PPARGC1B: variants seen among roughly 807,000 people sequenced by gnomAD.
PPARGC1B encodes the protein peroxisome proliferator-activated receptor gamma coactivator 1-beta.
In PPARGC1B, 34 loss-of-function variants were observed where a neutral mutation model predicts 101.6. The observed-to-expected ratio is 0.33, with a 90% confidence interval of 0.25 to 0.45. The LOEUF is 0.45. Ranked by LOEUF, PPARGC1B falls within the 20% of genes least tolerant of loss-of-function variation. The probability of loss-of-function intolerance (pLI) is 1.00; values close to 1 mark genes in which losing one functional copy is unlikely to be tolerated. For missense variants in PPARGC1B, 1,234 were observed against 1,317.6 expected (o/e 0.94, Z 0.98); for synonymous variants, 548 against 539.3 (o/e 1.02, Z -0.22).
intron 1 of PPARGC1B, among the ~76,000 whole-genome samples, chr5:149,776,347 CAA>C (rs1243832256): frequency 2.0e-5 from 3 of 152,170 alleles, no homozygotes; most frequent in Non-Finnish European, 4.4e-5. Flanking sequence ...CAGCGTTTCC[CAA>C]AAGAGGTTCC....
chr5:149,777,767 T>G (rs1318639657), intron 1 of PPARGC1B, among the ~76,000 whole-genome samples: 2 of 142,682 alleles, frequency 1.4e-5, no homozygotes, highest in African/African-American at 5.4e-5. Context: ...AAGTAGAGAT[T>G]TAAAAACTGT....
intron 1 of PPARGC1B, among the ~76,000 whole-genome samples, chr5:149,755,952 CATT>C (rs1755505635): frequency 6.6e-6 from 1 of 152,148 alleles, no homozygotes; most frequent in African/African-American, 2.4e-5. Flanking sequence ...CCTATGGTGT[CATT>C]GTTGCTGCTT....
chr5:149,800,426 T>A (rs899875140), intron 1 of PPARGC1B, among the ~76,000 whole-genome samples: 9 of 151,988 alleles, frequency 5.9e-5, no homozygotes, highest in Non-Finnish European at 1.2e-4. Flanking sequence ...TTGATAGGAG[T>A]GAGGCAGGCA....
chr5:149,856,988 T>G (rs541449711), downstream of PPARGC1B, among the ~76,000 whole-genome samples: 1 of 152,170 alleles, frequency 6.6e-6, no homozygotes, highest in African/African-American at 2.4e-5. Flanking sequence ...GCCAGACTGG[T>G]CTCAAACTCC....
chr5:149,751,796 T>C (rs955147910), intron 1 of PPARGC1B, among the ~76,000 whole-genome samples: 1 of 152,066 alleles, frequency 6.6e-6, no homozygotes, highest in African/African-American at 2.4e-5. Context: ...GGTAACATTG[T>C]AGGTTTCACT....
intron 2 of PPARGC1B, among the ~76,000 whole-genome samples, chr5:149,824,172 A>G (rs1464303042): frequency 3.3e-5 from 5 of 152,088 alleles, no homozygotes; most frequent in African/African-American, 1.2e-4. Context: ...TCTTCACTAC[A>G]TGGTTCCTGA....
At chr5:149,753,381 T>C (rs1755387855) in intron 1 of PPARGC1B, among the ~76,000 whole-genome samples, 1 of 151,860 alleles carries the variant, frequency 6.6e-6, no homozygotes, top group Admixed American at 6.6e-5. Flanking sequence ...TAATTTTTTA[T>C]ATTTTTGGTA....
Position 149,809,143 on chromosome 5 carries a change from ATAGATAGATAGATAGATAGAT to A in PPARGC1B, c.79-11289_79-11269del. The stretch of plus-strand genomic sequence containing the variant: ...GATAGATAGATAGATAGATAGATAG[ATAGATAGATAGATAGATAGAT>A]CCATCTCTACCATAGATAGATAGAT... On this transcript the variant is annotated intron_variant, in intron 1 of 11. Transcript: ENST00000309241. 2.3e-5 allele frequency among the ~76,000 whole-genome samples: 3 copies of A among 132,326 alleles called. 1 individual carries two copies. The highest frequency in any genetic ancestry group is 2.9e-5 in the African/African-American group (1 of 34,396). The allele number at this position is 132,326 out of a possible 152,430, so 86.8% of individuals were successfully genotyped here.
chr5:149,746,497 T>C (rs1755099900), intron 1 of PPARGC1B, among the ~76,000 whole-genome samples: 2 of 152,238 alleles, frequency 1.3e-5, no homozygotes, highest in Admixed American at 1.3e-4. Flanking sequence ...ATCCATTCAT[T>C]TGTTAGTGAA....
rs1759673959 is a variant in PPARGC1B at position 149,848,915 on chromosome 5, G to A, written c.*1357G>A. On this transcript the variant is annotated 3_prime_UTR_variant, in exon 12 of 12. Coordinates refer to ENST00000309241, the MANE Select transcript of PPARGC1B (RefSeq NM_133263.4). ...ACAATCTCCTAGCTCTCCTCCAATT[G>A]AGAAAACACTCCAATTGGGCTTTGC... The A allele has an allele frequency of 6.6e-6, 1 of 152,184 alleles. No homozygotes were observed. The highest frequency in any genetic ancestry group is 2.4e-5 in the African/African-American group (1 of 41,446). 9.4% of individuals were successfully genotyped at this position (152,184 alleles called of 1,614,324 possible).
Position 149,730,550 on chromosome 5 carries a change from C to A in PPARGC1B, c.78+130C>A. 1 of 655,088 alleles carries A rather than the reference C, an allele frequency of 1.5e-6. No individual in the cohort carries two copies. Among genetic ancestry groups the A allele is most frequent in the Admixed American group, 4.1e-5 (1 of 24,416 alleles). 40.6% of individuals were successfully genotyped at this position (655,088 alleles called of 1,614,324 possible). A position where few individuals can be genotyped will look rare whatever the true frequency, so the allele number is the denominator to read the frequency against. On this transcript the variant is annotated intron_variant, in intron 1 of 11. Coordinates refer to ENST00000309241, the MANE Select transcript of PPARGC1B (RefSeq NM_133263.4). The surrounding 1 kb of genome is among the most constrained non-coding windows in gnomAD (Gnocchi z 4.0). The stretch of plus-strand genomic sequence containing the variant: ...ACTGGGGGTTCCAGGCTGCAGAGCC[C>A]CCCTTCCAGGCGCCCTGCGATGCGC...
intron 1 of PPARGC1B, among the ~76,000 whole-genome samples, chr5:149,788,548 A>T (rs1027643308): frequency 6.6e-6 from 1 of 152,186 alleles, no homozygotes; most frequent in Non-Finnish European, 1.5e-5. Context: ...ACTAGAAATA[A>T]CATTTGACCC....
At position 149,823,999 on chromosome 5, in the gene PPARGC1B, C is replaced by G. The variant is rs79020132; in HGVS notation, c.253-2674C>G. On this transcript the variant is annotated intron_variant, in intron 2 of 11. Transcript: ENST00000309241. ...GCTTTATTCCTCCCCTGCCACCACGCCCCCCAAAAATAATGGCAGATAGAT... is the reference window on the plus strand; with the variant it reads ...GCTTTATTCCTCCCCTGCCACCACGGCCCCCAAAAATAATGGCAGATAGAT... Among the ~76,000 whole-genome samples the G allele has an allele frequency of 9.2e-5, 14 of 152,166 alleles. No homozygotes were observed. The East Asian group carries it at 2.5e-3, about 27-fold the overall frequency.
In PPARGC1B at chr5:149,778,314, C is replaced by T. The variant is rs192894494; in HGVS notation, c.79-42119C>T. 3.6e-3 allele frequency among the ~76,000 whole-genome samples: 542 copies of T among 152,072 alleles called. 5 individuals carry two copies. Among genetic ancestry groups the T allele is most frequent in the African/African-American group, 0.012 (502 of 41,494 alleles). On this transcript the variant is annotated intron_variant, in intron 1 of 11. Coordinates refer to ENST00000309241, the MANE Select transcript of PPARGC1B (RefSeq NM_133263.4). ...TGGCAAGGCTTTAGTCTGTCTGTCT[C>T]TTACCCGCCAGTCTGCAACTCCGTG... is the stretch of plus-strand genomic sequence containing the variant.
rs562548277 is a variant in PPARGC1B at position 149,842,246 on chromosome 5, T to C, written c.2695-10T>C. ...TGACGGAGTCTCTCTCTGTCCTCCT[T>C]CTTGGGCAGGGGGAAGGCCGCGTGG... On this transcript the variant is annotated splice_polypyrimidine_tract_variant and intron_variant, in intron 9 of 11. Coordinates refer to ENST00000309241, the MANE Select transcript of PPARGC1B (RefSeq NM_133263.4). The C allele has an allele frequency of 1.6e-4, 250 of 1,612,210 alleles. No individual in the cohort carries two copies. The South Asian group carries it at 2.4e-3, about 15-fold the overall frequency.
At chr5:149,821,646 G>A (rs1282765299) in intron 2 of PPARGC1B, among the ~76,000 whole-genome samples, 2 of 152,168 alleles carry the variant, frequency 1.3e-5, no homozygotes, top group Non-Finnish European at 2.9e-5. Context: ...AAGGTGGTGT[G>A]CCGCAAGCGT....
In PPARGC1B at chr5:149,847,663, T is replaced by G; in HGVS notation, c.*105T>G. Reference sequence around the variant, plus strand: ...AGTATATGAGGAGAGCGAGCGAGCGTGAGAGAACACCCGTGAGAGAGACTT... The same window carrying G: ...AGTATATGAGGAGAGCGAGCGAGCGGGAGAGAACACCCGTGAGAGAGACTT... On this transcript the variant is annotated 3_prime_UTR_variant, in exon 12 of 12. Coordinates refer to ENST00000309241, the MANE Select transcript of PPARGC1B (RefSeq NM_133263.4). 1.2e-6 allele frequency: 1 copy of G among 812,484 alleles called. No homozygotes were observed. Among genetic ancestry groups the G allele is most frequent in the Non-Finnish European group, 2.0e-6 (1 of 492,868 alleles). 50.3% of individuals were successfully genotyped at this position (812,484 alleles called of 1,614,324 possible).
chr5:149,744,273 C>T (rs1209945763), intron 1 of PPARGC1B, among the ~76,000 whole-genome samples: 1 of 152,198 alleles, frequency 6.6e-6, no homozygotes, highest in Non-Finnish European at 1.5e-5. Flanking sequence ...GCTTGGCAGT[C>T]ATGTCAAGCA....
chr5:149,777,833 C>T (rs953833010), intron 1 of PPARGC1B, among the ~76,000 whole-genome samples: 1 of 75,474 alleles, frequency 1.3e-5, no homozygotes, highest in Non-Finnish European at 2.5e-5. Context: ...ACACAGTATC[C>T]GGCTGCTTGT....
Sources: gnomAD v4.1 joint callset for allele counts (sites outside exome capture counted in the v4.1 genomes callset) on GRCh38, gnomAD v4.1.1 for gene constraint, Gnocchi (gnomAD v3.1) non-coding constraint, MANE v1.5 for transcripts, NCBI Gene and HGNC (gene_info 2026-07-23, HGNC 2026-07-21) for gene names.